The following TBC1D19 variants were observed in gnomAD, a reference collection of about 807,000 sequenced individuals.
TBC1D19 encodes the protein TBC1 domain family member 19, also known as TBC1 domain family, member 19.
TBC1D19 carries 60 observed loss-of-function variants against 89.0 expected under a neutral mutation model. The observed-to-expected ratio is 0.67, with a 90% CI of 0.55 to 0.84. The LOEUF (loss-of-function observed/expected upper bound fraction) is 0.84. TBC1D19 is among the 40% of genes least tolerant of loss of function. TBC1D19 has a pLI of 0.00. For missense variants in TBC1D19, 500 were observed against 610.8 expected (o/e 0.82, Z 1.91); for synonymous variants, 189 against 199.7 (o/e 0.95, Z 0.45).
At chr4:26,817,695 T>C in the TBC1D19 span, among the ~76,000 whole-genome samples, 2 of 152,060 alleles carry the variant, frequency 1.3e-5, no homozygotes, top group Non-Finnish European at 2.9e-5. Context: ...AGGCTGGGCA[T>C]GGTGGCATAC....
At chr4:26,811,038 A>C in the TBC1D19 span, among the ~76,000 whole-genome samples, 1 of 152,234 alleles carries the variant, frequency 6.6e-6, no homozygotes, top group Non-Finnish European at 1.5e-5. Flanking sequence ...TCATTCTACT[A>C]TAAAGACACA....
In TBC1D19 at chr4:26,666,411, T is replaced by A; in HGVS notation, c.664+6T>A. The A allele has an allele frequency of 1.2e-6, 2 of 1,606,570 alleles. No homozygotes were observed. The highest frequency in any genetic ancestry group is 8.5e-7 in the Non-Finnish European group (1 of 1,175,186). ...TTCTACACAAGTGCCTCCTGGTTAG[T>A]ATTTTTCCAACGGCATATAATTAAT... On this transcript the variant is annotated splice_donor_region_variant and intron_variant, in intron 9 of 20. Coordinates refer to ENST00000264866, the MANE Select transcript of TBC1D19 (RefSeq NM_018317.4).
At chr4:26,607,734 C>A (rs1023264697) in intron 1 of TBC1D19, among the ~76,000 whole-genome samples, 1 of 152,236 alleles carries the variant, frequency 6.6e-6, no homozygotes, top group Non-Finnish European at 1.5e-5. Context: ...CACTACTGTG[C>A]TTCCAGATTA....
chr4:26,715,521 G>A (rs1295166217), intron 13 of TBC1D19, among the ~76,000 whole-genome samples: 1 of 152,062 alleles, frequency 6.6e-6, no homozygotes, highest in African/African-American at 2.4e-5. Flanking sequence ...TATAAGTGCA[G>A]TTAATGAAGC....
At chr4:26,674,258 C>A (rs553888040) in intron 11 of TBC1D19, among the ~76,000 whole-genome samples, 17 of 152,160 alleles carry the variant, frequency 1.1e-4, no homozygotes, top group Middle Eastern at 3.4e-3. Context: ...TAAATGGATT[C>A]TTTGTCCCTA....
intron 19 of TBC1D19, among the ~76,000 whole-genome samples, chr4:26,752,131 T>G (rs899311138): frequency 6.6e-6 from 1 of 152,186 alleles, no homozygotes; most frequent in Non-Finnish European, 1.5e-5. Context: ...AGAATTGGTA[T>G]GAGAATGACT....
the TBC1D19 span, among the ~76,000 whole-genome samples, chr4:26,855,597 T>C: frequency 6.6e-6 from 1 of 152,102 alleles, no homozygotes; most frequent in African/African-American, 2.4e-5. Flanking sequence ...ACTTAAGGAG[T>C]TGAAATTTCC....
chr4:26,826,384 TTTCA>T, the TBC1D19 span, among the ~76,000 whole-genome samples: 6,661 of 152,240 alleles, frequency 0.044, 414 homozygotes, highest in East Asian at 0.16. Context: ...TAGAAGGATA[TTTCA>T]AACAGTTTAA....
At chr4:26,756,474 G>A (rs1465034095), downstream of TBC1D19, among the ~76,000 whole-genome samples, 2 of 151,978 alleles carry the variant, frequency 1.3e-5, no homozygotes, top group African/African-American at 4.8e-5. Context: ...GGAGAATTCT[G>A]GTCCTCAGAT....
chr4:26,654,368 C>T (rs530035760), intron 7 of TBC1D19, among the ~76,000 whole-genome samples: 33 of 152,192 alleles, frequency 2.2e-4, no homozygotes, highest in South Asian at 8.3e-4. Context: ...TTGCTCTTCT[C>T]GAGGAGTATC....
chr4:26,652,908 A>G (rs1410617764), intron 7 of TBC1D19, among the ~76,000 whole-genome samples: 1 of 152,032 alleles, frequency 6.6e-6, no homozygotes, highest in Non-Finnish European at 1.5e-5. Flanking sequence ...GCCTTCGGCT[A>G]GCTTTTGAAT....
chr4:26,733,046 T>G (rs1222377261), intron 15 of TBC1D19, among the ~76,000 whole-genome samples: 1 of 152,142 alleles, frequency 6.6e-6, no homozygotes, highest in African/African-American at 2.4e-5. Flanking sequence ...AACATAAAAT[T>G]CAGCAGAAGT....
the TBC1D19 span, among the ~76,000 whole-genome samples, chr4:26,853,330 C>T: frequency 6.6e-6 from 1 of 152,118 alleles, no homozygotes; most frequent in Admixed American, 6.5e-5. Flanking sequence ...AAAGTTATCT[C>T]CCCCCTTCCA....
intron 19 of TBC1D19, among the ~76,000 whole-genome samples, chr4:26,749,678 CT>C (rs1718845885): frequency 1.3e-5 from 2 of 152,036 alleles, no homozygotes; most frequent in African/African-American, 2.4e-5. Flanking sequence ...AACTCCTGAC[CT>C]CAAGTGATCC....
chr4:26,622,868 G>T (rs774504741), intron 4 of TBC1D19, among the ~76,000 whole-genome samples: 1 of 151,950 alleles, frequency 6.6e-6, no homozygotes, highest in Non-Finnish European at 1.5e-5. Flanking sequence ...GCCTATCCCC[G>T]CACTAAATTA....
chr4:26,608,438 T>C (rs1332384129), intron 1 of TBC1D19, among the ~76,000 whole-genome samples: 1 of 152,206 alleles, frequency 6.6e-6, no homozygotes, highest in African/African-American at 2.4e-5. Flanking sequence ...AGGGTTTCGA[T>C]TTCATTTGCA....
At chr4:26,781,468 C>T in the TBC1D19 span, among the ~76,000 whole-genome samples, 5 of 152,262 alleles carry the variant, frequency 3.3e-5, no homozygotes, top group East Asian at 3.9e-4. Flanking sequence ...TCTCTCTTTT[C>T]GCCACCCCAA....
the TBC1D19 span, among the ~76,000 whole-genome samples, chr4:26,776,778 A>G: frequency 2.0e-5 from 3 of 152,050 alleles, no homozygotes; most frequent in Admixed American, 2.0e-4. Flanking sequence ...TAAATATGTT[A>G]TTCTGTTTTT....
chr4:26,626,627 G>C (rs954241391), intron 4 of TBC1D19, among the ~76,000 whole-genome samples: 3 of 152,050 alleles, frequency 2.0e-5, no homozygotes, highest in Middle Eastern at 3.4e-3. Flanking sequence ...GAAATGCTCA[G>C]GCAAACTCAA....
Sources: gnomAD v4.1 joint callset for allele counts (sites outside exome capture counted in the v4.1 genomes callset) on GRCh38, gnomAD v4.1.1 for gene constraint, MANE v1.5 for transcripts, NCBI Gene and HGNC (gene_info 2026-07-23, HGNC 2026-07-21) for gene names.